Variants in OGDH observed in about 807,000 individuals in gnomAD.
The protein encoded by OGDH is oxoglutarate dehydrogenase.
OGDH carries 38 observed loss-of-function variants against 116.6 expected under a neutral mutation model. The ratio of observed to expected loss-of-function variants is 0.33; its 90% confidence interval spans 0.25 to 0.43. The LOEUF (loss-of-function observed/expected upper bound fraction) is 0.43, where lower values mean the gene tolerates loss of function less well. OGDH is among the 20% of genes least tolerant of loss of function. The pLI, the probability that OGDH is intolerant of heterozygous loss-of-function variation, is 1.00. For missense variants in OGDH, 825 were observed against 1,357.2 expected (o/e 0.61, Z 6.16); for synonymous variants, 488 against 533.3 (o/e 0.92, Z 1.17).
chr7:44,611,821 G>A (rs914455119), intron 1 of OGDH, among the ~76,000 whole-genome samples: 2 of 150,540 alleles, frequency 1.3e-5, no homozygotes, highest in East Asian at 3.9e-4. Context: ...TTGATGAACA[G>A]TTTTTAATTT....
intron 1 of OGDH, among the ~76,000 whole-genome samples, chr7:44,619,489 A>AT (rs1784928201): frequency 6.6e-6 from 1 of 152,252 alleles, no homozygotes; most frequent in Non-Finnish European, 1.5e-5. Flanking sequence ...GAATAGACTC[A>AT]TAATATGTCT....
intron 2 of OGDH, among the ~76,000 whole-genome samples, chr7:44,632,309 C>T (rs1785475521): frequency 6.6e-6 from 1 of 151,952 alleles, no homozygotes; most frequent in Non-Finnish European, 1.5e-5. Flanking sequence ...TGGAGCTCTT[C>T]TTTTTGAGAC....
intron 5 of OGDH, among the ~76,000 whole-genome samples, chr7:44,667,840 C>T (rs1169010899): frequency 6.6e-6 from 1 of 152,070 alleles, no homozygotes; most frequent in Non-Finnish European, 1.5e-5. Flanking sequence ...GAATGGGGAC[C>T]CTCAGAATTG....
At chr7:44,617,756 G>A (rs1480067271) in intron 1 of OGDH, among the ~76,000 whole-genome samples, 1 of 152,180 alleles carries the variant, frequency 6.6e-6, no homozygotes, top group East Asian at 1.9e-4. Flanking sequence ...CCTTTAAAAT[G>A]GTTGCCAGCT....
In OGDH at chr7:44,708,597, A is replaced by G. The variant is rs1033784833; in HGVS notation, c.*598A>G. 1.3e-5 allele frequency: 2 copies of G among 152,368 alleles called. No individual in the cohort carries two copies. The highest frequency in any genetic ancestry group is 2.9e-5 in the Non-Finnish European group (2 of 68,174). 9.4% of individuals were successfully genotyped at this position (152,368 alleles called of 1,614,324 possible). On this transcript the variant is annotated 3_prime_UTR_variant, in exon 23 of 23. Coordinates refer to ENST00000222673, the MANE Select transcript of OGDH (RefSeq NM_002541.4). ...AGCTTCAGTCTCTGCAGTGTCCATT[A>G]TCTGCTGTTCCTTCGAGGGTTCCAG...
chr7:44,678,229 A>G (rs1273602481), intron 9 of OGDH, among the ~76,000 whole-genome samples: 3 of 152,120 alleles, frequency 2.0e-5, no homozygotes, highest in African/African-American at 7.2e-5. Context: ...CTAAGGTGAG[A>G]TCGGCATGGG....
intron 18 of OGDH, among the ~76,000 whole-genome samples, chr7:44,698,881 C>CAAGCCTG (rs960086513): frequency 1.3e-5 from 2 of 151,426 alleles, no homozygotes; most frequent in Non-Finnish European, 2.9e-5. Context: ...TGTGGTGGCT[C>CAAGCCTG]AAGCCTGAAA....
chr7:44,697,667 G>C lies in OGDH; in HGVS notation c.2243G>C (p.Gly748Ala), dbSNP rs1189935970. The C allele has an allele frequency of 6.2e-7, 1 of 1,614,154 alleles. No individual in the cohort carries two copies. Among genetic ancestry groups the C allele is most frequent in the Non-Finnish European group, 8.5e-7 (1 of 1,180,062 alleles). ...CTGGTCCTCTGGGAAGCCCAATTTG[G>C]TGACTTCCACAACACGGCCCAGTGT... ...NALVLWEAQF[G>A]DFHNTAQCII... The change falls in exon 17 of 23, where the codon GGT (glycine) becomes GCT (alanine). Residue 748 changes from glycine (G) to alanine (A), a missense_variant. By Grantham distance (60) the Gly-to-Ala change is moderately conservative. Coordinates refer to ENST00000222673, the MANE Select transcript of OGDH (RefSeq NM_002541.4). This position sits in a 1 kb window ranked among gnomAD's most constrained non-coding sequence, Gnocchi z 6.0.
chr7:44,696,336 A>G lies in OGDH; in HGVS notation c.1772-93A>G. 4 of 1,476,960 alleles carry G rather than the reference A, an allele frequency of 2.7e-6. No homozygotes were observed. In the South Asian group the frequency reaches 5.1e-5, roughly 19 times the overall value. The allele number at this position is 1,476,960 out of a possible 1,614,324, so 91.5% of individuals were successfully genotyped here. ...CACAGTGTGAGCTACATTGTCTCTC[A>G]CCCTGCTTCTCCCCAAAATCACGTG... is the stretch of plus-strand genomic sequence containing the variant. On this transcript the variant is annotated intron_variant, in intron 13 of 22. Transcript: ENST00000222673.
At chr7:44,688,504 C>A (rs1788231724) in intron 10 of OGDH, among the ~76,000 whole-genome samples, 1 of 138,954 alleles carries the variant, frequency 7.2e-6, no homozygotes, top group Non-Finnish European at 1.5e-5. Flanking sequence ...GATCTCGGCT[C>A]ATTGCAAGCT....
intron 1 of OGDH, among the ~76,000 whole-genome samples, chr7:44,608,555 A>C (rs966912086): frequency 6.6e-6 from 1 of 152,048 alleles, no homozygotes; most frequent in East Asian, 1.9e-4. Context: ...AAAAGTTAGC[A>C]GGGCATGGTG....
At chr7:44,645,953 T>C (rs892606420) in intron 3 of OGDH, among the ~76,000 whole-genome samples, 1 of 151,996 alleles carries the variant, frequency 6.6e-6, no homozygotes, top group African/African-American at 2.4e-5. Context: ...CTATAGAGTT[T>C]GGGGATGTGG....
intron 10 of OGDH, among the ~76,000 whole-genome samples, chr7:44,690,678 ATG>A (rs1788328771): frequency 6.6e-6 from 1 of 152,216 alleles, no homozygotes; most frequent in Non-Finnish European, 1.5e-5. Context: ...CACCTCCGTC[ATG>A]TGTGCTGCCA....
At chr7:44,608,513 A>G (rs1254384147) in intron 1 of OGDH, among the ~76,000 whole-genome samples, 1 of 152,152 alleles carries the variant, frequency 6.6e-6, no homozygotes, top group Non-Finnish European at 1.5e-5. Flanking sequence ...AGCCTGGCCA[A>G]CATGGTGAAA....
chr7:44,633,837 T>C (rs1785550500), intron 2 of OGDH, among the ~76,000 whole-genome samples: 1 of 152,252 alleles, frequency 6.6e-6, no homozygotes, highest in Non-Finnish European at 1.5e-5. Context: ...GTTGCAATTC[T>C]GAGAGCTGAT....
intron 2 of OGDH, among the ~76,000 whole-genome samples, chr7:44,627,275 G>A (rs1297187700): frequency 1.3e-5 from 2 of 152,258 alleles, no homozygotes; most frequent in African/African-American, 4.8e-5. Context: ...GATTACAGGC[G>A]TGAGCCACGG....
At chr7:44,701,753 T>C in intron 20 of OGDH, 138 bp downstream of exon 20, 1 of 820,776 alleles carries the variant, frequency 1.2e-6, no homozygotes, top group South Asian at 1.5e-5. Context: ...TAAAGACCCG[T>C]GATACATGGC....
At chr7:44,685,153 C>G (rs1200508357) in intron 10 of OGDH, among the ~76,000 whole-genome samples, 1 of 152,056 alleles carries the variant, frequency 6.6e-6, no homozygotes, top group Non-Finnish European at 1.5e-5. Context: ...TTTAAGTGAA[C>G]AGTTTAGTGG....
chr7:44,623,468 CAGT>C (rs1482764438), intron 1 of OGDH, among the ~76,000 whole-genome samples: 1 of 77,874 alleles, frequency 1.3e-5, no homozygotes, highest in African/African-American at 3.1e-5. Flanking sequence ...AGCAGGTACT[CAGT>C]AGTTTCTGGA....
Sources: gnomAD v4.1 joint callset for allele counts (sites outside exome capture counted in the v4.1 genomes callset) on GRCh38, gnomAD v4.1.1 for gene constraint, Gnocchi (gnomAD v3.1) non-coding constraint, MANE v1.5 for transcripts, NCBI Gene and HGNC (gene_info 2026-07-23, HGNC 2026-07-21) for gene names.